Variants in LRRC7 observed in about 807,000 individuals in gnomAD.
LRRC7 encodes leucine-rich repeat-containing protein 7.
Under a neutral mutation model 175.7 loss-of-function variants are expected in LRRC7, and 23 were observed. The ratio of observed to expected loss-of-function variants is 0.13; its 90% CI spans 0.09 to 0.19. LRRC7 has a LOEUF of 0.19. Among genes scored for constraint, LRRC7 ranks in the 10% least tolerant of loss-of-function variants. The probability of loss-of-function intolerance (pLI) is 1.00; values close to 1 mark genes in which losing one functional copy is unlikely to be tolerated. For missense variants in LRRC7, 1,354 were observed against 1,904.7 expected (o/e 0.71, Z 5.38); for synonymous variants, 685 against 680.9 (o/e 1.01, Z -0.09).
chr1:70,038,374 G>A lies in LRRC7; in HGVS notation c.2550G>A (p.Arg850=), dbSNP rs1659534973. 1 of 1,614,110 alleles carries A rather than the reference G, an allele frequency of 6.2e-7. No homozygotes were observed. The highest frequency in any genetic ancestry group is 2.2e-5 in the East Asian group (1 of 44,860). Reference sequence around the variant, plus strand: ...CGCATGGACGCAGGCCTTTGATCAGGCAAGACAGGATTGTTGGTGTTCCCC... The same window carrying A: ...CGCATGGACGCAGGCCTTTGATCAGACAAGACAGGATTGTTGGTGTTCCCC... ...TSSHGRRPLI[R]QDRIVGVPLE... The change falls in exon 21 of 27, where the codon AGG becomes AGA. Residue 850 remains arginine, a synonymous_variant. Transcript: ENST00000651989.
At position 69,610,651 on chromosome 1, in the gene LRRC7, A is replaced by G. The variant is rs1186454114; in HGVS notation, c.2+42010A>G. Among the ~76,000 whole-genome samples the G allele has an allele frequency of 2.0e-5, 3 of 152,148 alleles. No homozygotes were observed. In the East Asian group the frequency reaches 5.8e-4, roughly 29 times the overall value. On this transcript the variant is annotated intron_variant, in intron 1 of 26. Coordinates refer to ENST00000651989, the MANE Select transcript of LRRC7 (RefSeq NM_001370785.2). Reference sequence around the variant, plus strand: ...TGTTGTATTTTAATGTAATTAAATTAGTGATATATTTAATTTTTTACATAG... The same window carrying G: ...TGTTGTATTTTAATGTAATTAAATTGGTGATATATTTAATTTTTTACATAG...
chr1:69,969,861 G>T (rs1264382399), intron 8 of LRRC7, among the ~76,000 whole-genome samples: 1 of 152,054 alleles, frequency 6.6e-6, no homozygotes, highest in Non-Finnish European at 1.5e-5. Context: ...CTTTCTCCGG[G>T]ATAGACCACA....
intron 7 of LRRC7, among the ~76,000 whole-genome samples, chr1:69,847,522 C>T (rs573957845): frequency 1.3e-5 from 2 of 152,176 alleles, no homozygotes; most frequent in African/African-American, 4.8e-5. Flanking sequence ...CTTTTCCACC[C>T]ACCACCGCAT....
At chr1:69,631,682 G>A (rs770946990) in intron 1 of LRRC7, among the ~76,000 whole-genome samples, 1 of 152,112 alleles carries the variant, frequency 6.6e-6, no homozygotes, top group African/African-American at 2.4e-5. Flanking sequence ...GGGCTGGTGT[G>A]AGATAACCCT....
intron 7 of LRRC7, among the ~76,000 whole-genome samples, chr1:69,911,625 A>G (rs1646534020): frequency 6.6e-6 from 1 of 152,222 alleles, no homozygotes; most frequent in Admixed American, 6.5e-5. Flanking sequence ...AGTGGCCAGA[A>G]CTAGGTCATA....
intron 7 of LRRC7, among the ~76,000 whole-genome samples, chr1:69,882,388 CAA>C (rs1325778530): frequency 1.3e-5 from 2 of 152,010 alleles, no homozygotes; most frequent in Admixed American, 6.5e-5. Flanking sequence ...ATAAAAAAAT[CAA>C]AGAGAGATTT....
chr1:69,577,020 C>T (rs1645980589), intron 1 of LRRC7, among the ~76,000 whole-genome samples: 1 of 151,774 alleles, frequency 6.6e-6, no homozygotes, highest in Admixed American at 6.6e-5. Flanking sequence ...TGTTTGTTTA[C>T]TCGCTTTTTC....
At chr1:69,694,883 G>A (rs912652506) in intron 2 of LRRC7, among the ~76,000 whole-genome samples, 15 of 152,218 alleles carry the variant, frequency 9.9e-5, no homozygotes, top group Non-Finnish European at 1.8e-4. Flanking sequence ...AGAACCATGA[G>A]CCAAAATAAA....
chr1:69,647,422 C>T (rs533958997), intron 1 of LRRC7, among the ~76,000 whole-genome samples: 2 of 152,292 alleles, frequency 1.3e-5, no homozygotes, highest in South Asian at 4.1e-4. Context: ...TTTTTGCTTA[C>T]TTTCCTCAAC....
chr1:69,999,447 G>A (rs752520647), intron 11 of LRRC7, among the ~76,000 whole-genome samples: 5 of 152,202 alleles, frequency 3.3e-5, no homozygotes, highest in South Asian at 2.1e-4. Context: ...GACAGAAGCA[G>A]TATTTCAAAA....
At chr1:69,603,069 T>C (rs1199914915) in intron 1 of LRRC7, among the ~76,000 whole-genome samples, 1 of 152,190 alleles carries the variant, frequency 6.6e-6, no homozygotes, top group Non-Finnish European at 1.5e-5. Flanking sequence ...GAAGCATGAC[T>C]ATACATGCAT....
intron 25 of LRRC7, among the ~76,000 whole-genome samples, chr1:70,102,620 C>G (rs927173694): frequency 2.6e-5 from 4 of 152,114 alleles, no homozygotes; most frequent in Non-Finnish European, 5.9e-5. Flanking sequence ...CTACTGCAGC[C>G]TTCCAAAGTG....
intron 7 of LRRC7, among the ~76,000 whole-genome samples, chr1:69,880,998 C>A (rs1290498674): frequency 6.6e-6 from 1 of 152,188 alleles, no homozygotes; most frequent in Non-Finnish European, 1.5e-5. Context: ...AAGATCCAGT[C>A]CAAATGTCAA....
chr1:70,024,314 T>C (rs1170385139), intron 17 of LRRC7, among the ~76,000 whole-genome samples: 2 of 150,980 alleles, frequency 1.3e-5, no homozygotes, highest in African/African-American at 4.8e-5. Context: ...TATTATAATA[T>C]ATTAAAAAAC....
intron 5 of LRRC7, 63 bp from the exon 6 acceptor site, chr1:69,834,717 T>A (rs1570232440): frequency 2.0e-6 from 2 of 1,014,660 alleles, no homozygotes; most frequent in East Asian, 3.7e-5. Context: ...GAGATACATA[T>A]TTTTTTTGTT....
At chr1:69,832,310 A>G (rs11209552) in intron 5 of LRRC7, among the ~76,000 whole-genome samples, 74,856 of 151,812 alleles carry the variant, frequency 0.49, 18,933 homozygotes, top group Middle Eastern at 0.61. Context: ...CATTAATTCC[A>G]TGGAACTTGG....
chr1:70,012,015 C>T, intron 12 of LRRC7, 89 bp downstream of exon 12: 1 of 861,022 alleles, frequency 1.2e-6, no homozygotes, highest in South Asian at 1.6e-5. Flanking sequence ...AATGTAGATT[C>T]ATGAGTTGAG....
intron 7 of LRRC7, among the ~76,000 whole-genome samples, chr1:69,926,026 A>G (rs1647061255): frequency 1.3e-5 from 2 of 151,964 alleles, no homozygotes; most frequent in African/African-American, 4.8e-5. Context: ...GTTTCAAAGA[A>G]CATCTTTATT....
intron 6 of LRRC7, 134 bp downstream of exon 6, chr1:69,835,003 G>A (rs1175007077): frequency 2.0e-5 from 12 of 604,200 alleles, no homozygotes; most frequent in East Asian, 3.1e-5. Flanking sequence ...TAAATGAAAC[G>A]CTGTTAATTA....
Sources: allele counts gnomAD v4.1 joint callset (sites outside exome capture counted in the v4.1 genomes callset), GRCh38; gene constraint gnomAD v4.1.1; transcripts MANE v1.5; gene names NCBI Gene and HGNC (gene_info 2026-07-23, HGNC 2026-07-21).